Variants in CHL1 observed in about 807,000 individuals in gnomAD.
CHL1 encodes the protein neural cell adhesion molecule L1-like protein.
In CHL1, 96 loss-of-function variants were observed where a neutral mutation model predicts 141.9. The observed-to-expected ratio is 0.68, with a 90% confidence interval of 0.57 to 0.80. The LOEUF is 0.80. CHL1 is among the 30% of genes least tolerant of loss of function. CHL1 has a pLI of 0.00. For synonymous variants in CHL1, 613 were observed against 502.2 expected (o/e 1.22, Z -2.95); for missense variants, 1,820 against 1,457.2 (o/e 1.25, Z -4.05).
chr3:334,810 G>T (rs1267256720), intron 5 of CHL1, among the ~76,000 whole-genome samples: 1 of 152,106 alleles, frequency 6.6e-6, no homozygotes, highest in Non-Finnish European at 1.5e-5. Context: ...TATTAATTAG[G>T]ATCCTTAAGA....
chr3:326,123 T>C, intron 4 of CHL1, 59 bp downstream of exon 4: 2 of 996,180 alleles, frequency 2.0e-6, no homozygotes, highest in East Asian at 2.6e-5. Context: ...TATGCTGCTC[T>C]TTACTCTTAC....
intron 2 of CHL1, among the ~76,000 whole-genome samples, chr3:285,970 C>A (rs997942360): frequency 1.3e-5 from 2 of 151,868 alleles, no homozygotes; most frequent in Admixed American, 1.3e-4. Context: ...AGTTTTTTTT[C>A]TCCTGTCACT....
At chr3:313,138 G>A (rs1430615175) in intron 2 of CHL1, among the ~76,000 whole-genome samples, 2 of 152,090 alleles carry the variant, frequency 1.3e-5, no homozygotes, top group Non-Finnish European at 2.9e-5. Flanking sequence ...GACTGTCACT[G>A]ACATTTCTGC....
At chr3:311,511 G>A (rs540911492) in intron 2 of CHL1, among the ~76,000 whole-genome samples, 41 of 152,168 alleles carry the variant, frequency 2.7e-4, no homozygotes, top group African/African-American at 8.7e-4. Context: ...CCTGCCCACT[G>A]GATGCAAATA....
At chr3:396,861 T>A (rs1708717706) in intron 24 of CHL1, among the ~76,000 whole-genome samples, 1 of 152,086 alleles carries the variant, frequency 6.6e-6, no homozygotes, top group African/African-American at 2.4e-5. Flanking sequence ...TTGAAAAAAA[T>A]ATATATTTCC....
intron 1 of CHL1, among the ~76,000 whole-genome samples, chr3:212,297 C>G (rs895056299): frequency 4.6e-5 from 7 of 152,100 alleles, no homozygotes; most frequent in African/African-American, 1.7e-4. Context: ...TTATTATGAT[C>G]AGGCAATAAA....
chr3:383,739 G>A (rs1370892864), intron 18 of CHL1, 77 bp from the exon 19 acceptor site: 1 of 870,734 alleles, frequency 1.1e-6, no homozygotes, highest in South Asian at 1.6e-5. Context: ...CTGTGTTTTT[G>A]GGGGGCAGGA....
At position 360,413 on chromosome 3, in the gene CHL1, T is replaced by C; in HGVS notation, c.1295T>C (p.Ile432Thr). The change falls in exon 12 of 28, where the codon ATT becomes ACT. Residue 432 changes from isoleucine (I) to threonine (T), a missense_variant. Coordinates refer to ENST00000256509, the MANE Select transcript of CHL1 (RefSeq NM_006614.4). Reference sequence around the variant, plus strand: ...GGAACTATCCTTGCCAATGCCAATATTGATGTTGTGGGTGAGTGTGCCTGG... The same window carrying C: ...GGAACTATCCTTGCCAATGCCAATACTGATGTTGTGGGTGAGTGTGCCTGG... ...VHGTILANAN[I>T]DVVDVRPLIQ... 2 of 1,613,572 alleles carry C rather than the reference T, an allele frequency of 1.2e-6. No individual in the cohort carries two copies. Among genetic ancestry groups the C allele is most frequent in the East Asian group, 2.2e-5 (1 of 44,866 alleles).
intron 16 of CHL1, among the ~76,000 whole-genome samples, chr3:381,846 A>G (rs1021366195): frequency 1.3e-5 from 2 of 152,086 alleles, no homozygotes; most frequent in South Asian, 2.1e-4. Flanking sequence ...TTCCAGAAAA[A>G]CAACTTAGAG....
At chr3:299,715 C>G (rs1201044910) in intron 2 of CHL1, among the ~76,000 whole-genome samples, 1 of 152,104 alleles carries the variant, frequency 6.6e-6, no homozygotes, top group African/African-American at 2.4e-5. Flanking sequence ...TGTGAGCTCC[C>G]CTAGGCTTCG....
chr3:309,438 TTCTTTCTTTTC>T (rs1260086556), intron 2 of CHL1: 1 of 148,380 alleles, frequency 6.7e-6, no homozygotes, highest in African/African-American at 2.6e-5. Context: ...TTCTTTCTCT[TTCTTTCTTTTC>T]TCTTTCTTTC....
intron 5 of CHL1, among the ~76,000 whole-genome samples, chr3:337,999 G>A (rs1462219106): frequency 6.6e-6 from 1 of 152,160 alleles, no homozygotes; most frequent in African/African-American, 2.4e-5. Context: ...GTTTGAAAGT[G>A]TTCCTATTTC....
intron 5 of CHL1, among the ~76,000 whole-genome samples, chr3:333,952 G>T (rs781607218): frequency 1.1e-4 from 17 of 151,766 alleles, no homozygotes; most frequent in Admixed American, 2.0e-4. Context: ...CAACTTGTTT[G>T]TTTGTTTGTT....
intron 5 of CHL1, among the ~76,000 whole-genome samples, chr3:340,369 A>G (rs1702259175): frequency 6.6e-6 from 1 of 152,188 alleles, no homozygotes; most frequent in Non-Finnish European, 1.5e-5. Flanking sequence ...ATATTTGCCA[A>G]TCACATTCAA....
At chr3:371,030 G>C (rs1193742226) in intron 15 of CHL1, among the ~76,000 whole-genome samples, 1 of 152,140 alleles carries the variant, frequency 6.6e-6, no homozygotes, top group Non-Finnish European at 1.5e-5. Flanking sequence ...AAATTATGTG[G>C]TGGGTTTTAG....
chr3:374,250 T>G (rs1312966871), intron 15 of CHL1, among the ~76,000 whole-genome samples: 1 of 152,146 alleles, frequency 6.6e-6, no homozygotes, highest in Non-Finnish European at 1.5e-5. Flanking sequence ...AGAAAGGCAG[T>G]GTATGTATTA....
intron 2 of CHL1, among the ~76,000 whole-genome samples, chr3:262,724 T>C (rs1280864500): frequency 2.6e-5 from 4 of 152,224 alleles, no homozygotes; most frequent in Non-Finnish European, 5.9e-5. Flanking sequence ...AATTTTGCTG[T>C]GTGCCAAAGC....
intron 14 of CHL1, 30 bp from the exon 15 acceptor site, chr3:365,920 C>G (rs1704820689): frequency 6.3e-7 from 1 of 1,588,892 alleles, no homozygotes; most frequent in Middle Eastern, 1.7e-4. Flanking sequence ...ACGCTTAGTT[C>G]TAACTAATAT....
At chr3:367,413 T>A (rs1165073476) in intron 15 of CHL1, among the ~76,000 whole-genome samples, 3 of 152,234 alleles carry the variant, frequency 2.0e-5, no homozygotes, top group African/African-American at 7.2e-5. Flanking sequence ...CTCAGTCACT[T>A]ATTAGATCTT....
Sources: allele counts gnomAD v4.1 joint callset (sites outside exome capture counted in the v4.1 genomes callset), GRCh38; gene constraint gnomAD v4.1.1; transcripts MANE v1.5; gene names NCBI Gene and HGNC (gene_info 2026-07-23, HGNC 2026-07-21).